Variants in COL5A1 observed in about 807,000 individuals in gnomAD.
COL5A1 encodes the protein collagen type V alpha 1 chain, also known as collagen alpha-1(V) chain.
In COL5A1, 16 loss-of-function variants were observed where a neutral mutation model predicts 263.7. That is an observed-to-expected ratio of 0.06 (90% CI 0.04 to 0.09). COL5A1 has a LOEUF of 0.09. Ranked by LOEUF, COL5A1 falls within the 10% of genes least tolerant of loss-of-function variation. The pLI is 1.00. For missense variants in COL5A1, 2,036 were observed against 2,540.5 expected (o/e 0.80, Z 4.27); for synonymous variants, 1,012 against 1,004.5 (o/e 1.01, Z -0.14).
intron 20 of COL5A1, 77 bp downstream of exon 20, chr9:134,763,814 G>T: frequency 7.1e-7 from 1 of 1,412,586 alleles, no homozygotes; most frequent in Non-Finnish European, 1.0e-6. Context: ...GCTGGAGCAG[G>T]ATCTGGGATC....
At chr9:134,665,424 A>C (rs1832327103) in intron 1 of COL5A1, among the ~76,000 whole-genome samples, 3 of 152,236 alleles carry the variant, frequency 2.0e-5, no homozygotes, top group African/African-American at 7.2e-5. Flanking sequence ...AGATATGTTA[A>C]GTAAAGCAAA....
intron 18 of COL5A1, among the ~76,000 whole-genome samples, chr9:134,759,122 T>G (rs894683154): frequency 1.3e-5 from 2 of 152,014 alleles, no homozygotes; most frequent in African/African-American, 4.8e-5. Context: ...TGACCTGCTT[T>G]CTGTGAAGCA....
chr9:134,694,138 C>A (rs951216382), intron 2 of COL5A1, among the ~76,000 whole-genome samples: 1 of 152,236 alleles, frequency 6.6e-6, no homozygotes, highest in Admixed American at 6.5e-5. Context: ...CCCCGGCATC[C>A]GATCCCCTGA....
intron 65 of COL5A1, among the ~76,000 whole-genome samples, chr9:134,836,159 C>T (rs1196842032): frequency 1.3e-5 from 2 of 152,172 alleles, no homozygotes; most frequent in African/African-American, 4.8e-5. Context: ...AAACGGGAAG[C>T]GGTTTACTCC....
chr9:134,762,092 G>C (rs1188501261), intron 19 of COL5A1, 114 bp downstream of exon 19: 14 of 1,044,102 alleles, frequency 1.3e-5, no homozygotes, highest in African/African-American at 3.1e-5. Flanking sequence ...CGCATGTGGA[G>C]GGCCAGCTGG....
intron 11 of COL5A1, among the ~76,000 whole-genome samples, chr9:134,745,378 G>C (rs142631119): frequency 6.6e-6 from 1 of 151,972 alleles, no homozygotes; most frequent in South Asian, 2.1e-4. Context: ...AGGACCCCAT[G>C]CAGGGTCTGC....
intron 41 of COL5A1, among the ~76,000 whole-genome samples, chr9:134,805,897 C>A (rs1189962466): frequency 6.6e-6 from 1 of 152,044 alleles, no homozygotes; most frequent in Non-Finnish European, 1.5e-5. Flanking sequence ...GTGGGCAGAC[C>A]CTCAAGGGGA....
At chr9:134,822,287 T>A in intron 59 of COL5A1, 137 bp downstream of exon 59, 1 of 736,928 alleles carries the variant, frequency 1.4e-6, no homozygotes, top group East Asian at 2.5e-5. Flanking sequence ...AGGGTGGATT[T>A]GCCCATTAAC....
intron 9 of COL5A1, 138 bp downstream of exon 9, chr9:134,732,265 C>G (rs941861683): frequency 2.4e-6 from 2 of 838,810 alleles, no homozygotes; most frequent in Non-Finnish European, 4.1e-6. Flanking sequence ...CACCTGGTCT[C>G]GTGGAGTCCA....
chr9:134,779,978 G>C, intron 27 of COL5A1, 124 bp from the exon 28 acceptor site: 1 of 1,059,118 alleles, frequency 9.4e-7, no homozygotes, highest in Admixed American at 1.7e-5. Context: ...AGTGTGTTGA[G>C]GGCAGGGCGC....
chr9:134,763,681 T>C lies in COL5A1; in HGVS notation c.1990-12T>C, dbSNP rs776163211. On this transcript the variant is annotated splice_polypyrimidine_tract_variant and intron_variant, in intron 19 of 65. Transcript: ENST00000371817. ...CTCATTTCTCTAACCTTGCCTTTTT[T>C]CTCCTCTGCAGGGTGACGACGGAGA... 8.7e-6 allele frequency: 14 copies of C among 1,613,250 alleles called. No individual in the cohort carries two copies. Among genetic ancestry groups the C allele is most frequent in the Non-Finnish European group, 1.2e-5 (14 of 1,179,596 alleles).
chr9:134,811,840 C>T lies in COL5A1; in HGVS notation c.3690+241C>T, dbSNP rs144759392. On this transcript the variant is annotated intron_variant, in intron 46 of 65. Coordinates refer to ENST00000371817, the MANE Select transcript of COL5A1 (RefSeq NM_000093.5). ...GTGCTCATTGTGGAAACTGATGATT[C>T]GTGAGAAACATAGTAACAGTGACTT... Among the ~76,000 whole-genome samples the T allele has an allele frequency of 4.9e-4, 74 of 152,318 alleles. No homozygotes were observed. The East Asian group carries it at 0.013, about 26-fold the overall frequency.
At position 134,776,565 on chromosome 9, in the gene COL5A1, C is replaced by T. The variant is rs142597587; in HGVS notation, c.2385+1653C>T. On this transcript the variant is annotated intron_variant, in intron 27 of 65. Coordinates refer to ENST00000371817, the MANE Select transcript of COL5A1 (RefSeq NM_000093.5). The stretch of plus-strand genomic sequence containing the variant: ...AAATGTGAGTGGTGTCGGCGCCTCA[C>T]GAGTTTGGCCCGGGTGGCAGTGATG... Among the ~76,000 whole-genome samples, 9 of 152,270 alleles carry T rather than the reference C, an allele frequency of 5.9e-5. No individual in the cohort carries two copies. The East Asian group carries it at 1.2e-3, about 20-fold the overall frequency.
At chr9:134,762,875 G>T (rs1206547540) in intron 19 of COL5A1, among the ~76,000 whole-genome samples, 1 of 152,180 alleles carries the variant, frequency 6.6e-6, no homozygotes, top group Non-Finnish European at 1.5e-5. Context: ...GGACGTGTGT[G>T]TGTGTGTGTG....
At chr9:134,673,374 T>C (rs957802685) in intron 1 of COL5A1, among the ~76,000 whole-genome samples, 1 of 151,852 alleles carries the variant, frequency 6.6e-6, no homozygotes, top group Non-Finnish European at 1.5e-5. Flanking sequence ...AATCTTTTGG[T>C]TTTCCATAAA....
intron 50 of COL5A1, 91 bp downstream of exon 50, chr9:134,814,995 C>G: frequency 1.1e-6 from 1 of 877,152 alleles, no homozygotes; most frequent in Non-Finnish European, 1.8e-6. Context: ...GCACTCTGCT[C>G]TGAGAACAGC....
chr9:134,809,857 C>G (rs1397909966), intron 43 of COL5A1, among the ~76,000 whole-genome samples: 1 of 152,168 alleles, frequency 6.6e-6, no homozygotes, highest in East Asian at 1.9e-4. Flanking sequence ...TGGATAATGC[C>G]TTACATCTCC....
chr9:134,735,226 T>C (rs1439916891), intron 9 of COL5A1, among the ~76,000 whole-genome samples: 1 of 149,876 alleles, frequency 6.7e-6, no homozygotes. Context: ...AAAAAAAAAA[T>C]TGTGTGCATT....
intron 18 of COL5A1, among the ~76,000 whole-genome samples, chr9:134,760,147 C>A (rs1163525652): frequency 2.4e-5 from 3 of 127,370 alleles, no homozygotes; most frequent in South Asian, 5.7e-4. Flanking sequence ...CATGTGCAGA[C>A]ACCACACATG....
Sources: gnomAD v4.1 joint callset for allele counts (sites outside exome capture counted in the v4.1 genomes callset) on GRCh38, gnomAD v4.1.1 for gene constraint, MANE v1.5 for transcripts, NCBI Gene and HGNC (gene_info 2026-07-23, HGNC 2026-07-21) for gene names.